Variants in PCDH7 observed in about 807,000 individuals in gnomAD.
PCDH7 encodes protocadherin-7.
PCDH7 carries 17 observed loss-of-function variants against 58.9 expected under a neutral mutation model. The observed-to-expected ratio is 0.29, with a 90% CI of 0.20 to 0.43. The LOEUF (loss-of-function observed/expected upper bound fraction) is 0.43. PCDH7 is among the 20% of genes least tolerant of loss of function. PCDH7 has a pLI of 1.00. For synonymous variants in PCDH7, 664 were observed against 616.4 expected (o/e 1.08, Z -1.14); for missense variants, 1,274 against 1,441.0 (o/e 0.88, Z 1.88).
intron 3 of PCDH7, among the ~76,000 whole-genome samples, chr4:30,952,405 A>G (rs4490422): frequency 0.61 from 92,880 of 151,622 alleles, 29,612 homozygotes; most frequent in African/African-American, 0.8. Context: ...AGTTGTATCA[A>G]TTTACCACTA....
At chr4:30,765,505 G>C (rs887658709) in intron 1 of PCDH7, among the ~76,000 whole-genome samples, 2 of 152,144 alleles carry the variant, frequency 1.3e-5, no homozygotes, top group Non-Finnish European at 2.9e-5. Flanking sequence ...GGTCTGCTCT[G>C]ACTGATTTTG....
intron 1 of PCDH7, among the ~76,000 whole-genome samples, chr4:30,916,853 C>G (rs771688600): frequency 6.6e-6 from 1 of 152,116 alleles, no homozygotes; most frequent in Non-Finnish European, 1.5e-5. Context: ...TAAAAACTCC[C>G]GATCTCTGAG....
chr4:31,131,573 T>G (rs1294141496), intron 3 of PCDH7, among the ~76,000 whole-genome samples: 2 of 151,994 alleles, frequency 1.3e-5, no homozygotes, highest in African/African-American at 4.8e-5. Context: ...TCTTCATCCC[T>G]TAACAGTATT....
intron 1 of PCDH7, among the ~76,000 whole-genome samples, chr4:30,756,808 T>G (rs1016605970): frequency 5.9e-5 from 9 of 152,100 alleles, no homozygotes; most frequent in African/African-American, 2.2e-4. Context: ...TAAAATGGAG[T>G]CTTCCTTTGT....
intron 1 of PCDH7, among the ~76,000 whole-genome samples, chr4:30,843,922 AT>A (rs1432320344): frequency 1.3e-5 from 2 of 152,110 alleles, no homozygotes; most frequent in African/African-American, 4.8e-5. Flanking sequence ...TGGTAAAAAA[AT>A]AAAATAAAAA....
At chr4:30,752,629 TTAC>T (rs1418267059) in intron 1 of PCDH7, among the ~76,000 whole-genome samples, 1 of 120,702 alleles carries the variant, frequency 8.3e-6, no homozygotes, top group African/African-American at 3.3e-5. Context: ...ATATGGACTC[TTAC>T]TTTTTTTTTT....
At chr4:31,003,420 C>A (rs1752515024) in intron 3 of PCDH7, among the ~76,000 whole-genome samples, 1 of 151,550 alleles carries the variant, frequency 6.6e-6, no homozygotes, top group African/African-American at 2.4e-5. Context: ...GCCCTGTACT[C>A]CTTCTAGTCC....
chr4:31,000,203 G>A (rs1338985119), intron 3 of PCDH7, among the ~76,000 whole-genome samples: 1 of 152,094 alleles, frequency 6.6e-6, no homozygotes, highest in African/African-American at 2.4e-5. Flanking sequence ...CATTTTACAG[G>A]ATTATGGAAA....
At chr4:30,971,909 G>A (rs919270644) in intron 3 of PCDH7, among the ~76,000 whole-genome samples, 2 of 152,044 alleles carry the variant, frequency 1.3e-5, no homozygotes, top group Non-Finnish European at 2.9e-5. Context: ...CTGCATGAGC[G>A]GTGATTATAC....
intron 1 of PCDH7, among the ~76,000 whole-genome samples, chr4:30,824,083 CTTTCTTTCTTTCTTTCTTTCTT>C (rs1728726132): frequency 9.2e-5 from 1 of 10,852 alleles, no homozygotes; most frequent in African/African-American, 4.3e-4. Flanking sequence ...GGTTTCTTTT[CTTTCTTTCTTTCTTTCTTTCTT>C]TCTTTCTTTC....
chr4:30,782,755 C>T (rs1041631771), intron 1 of PCDH7, among the ~76,000 whole-genome samples: 4 of 152,172 alleles, frequency 2.6e-5, no homozygotes, highest in Non-Finnish European at 5.9e-5. Flanking sequence ...GGTTTAATGT[C>T]TATAAACTGA....
intron 1 of PCDH7, among the ~76,000 whole-genome samples, chr4:30,894,778 C>T (rs1226477508): frequency 6.7e-6 from 1 of 150,288 alleles, no homozygotes; most frequent in Non-Finnish European, 1.5e-5. Context: ...GATCAGGAAC[C>T]TGATTTTACG....
intron 1 of PCDH7, among the ~76,000 whole-genome samples, chr4:30,828,944 A>G (rs1729441642): frequency 6.6e-6 from 1 of 152,052 alleles, no homozygotes; most frequent in African/African-American, 2.4e-5. Context: ...AAAAGCTTTA[A>G]TGGTCTGTAA....
chr4:30,767,900 A>G (rs370744957), intron 1 of PCDH7, among the ~76,000 whole-genome samples: 8 of 152,182 alleles, frequency 5.3e-5, no homozygotes, highest in African/African-American at 1.7e-4. Flanking sequence ...CATTAAAACC[A>G]TTAAAGGAGC....
chr4:31,052,722 G>C (rs1056923712), intron 3 of PCDH7, among the ~76,000 whole-genome samples: 2 of 152,076 alleles, frequency 1.3e-5, no homozygotes, highest in African/African-American at 4.8e-5. Flanking sequence ...AGCAAGCTTT[G>C]TTTAATATGA....
At chr4:30,749,446 C>A (rs938290318) in intron 1 of PCDH7, among the ~76,000 whole-genome samples, 6 of 152,062 alleles carry the variant, frequency 3.9e-5, no homozygotes, top group African/African-American at 1.4e-4. Flanking sequence ...AACTCTGAAA[C>A]GCATTAAGCA....
intron 3 of PCDH7, among the ~76,000 whole-genome samples, chr4:30,968,378 A>ATAGTGTG (rs1560541576): frequency 6.4e-4 from 18 of 28,070 alleles, no homozygotes; most frequent in African/African-American, 3.9e-3. Flanking sequence ...TACACACACT[A>ATAGTGTG]TATATATATA....
intron 3 of PCDH7, among the ~76,000 whole-genome samples, chr4:31,111,966 G>C (rs1439783550): frequency 1.3e-5 from 2 of 152,074 alleles, no homozygotes; most frequent in Non-Finnish European, 2.9e-5. Flanking sequence ...TCTAAAATGG[G>C]AATCAAAAAA....
At chr4:30,797,356 T>A (rs1484931743) in intron 1 of PCDH7, among the ~76,000 whole-genome samples, 1 of 151,556 alleles carries the variant, frequency 6.6e-6, no homozygotes, top group African/African-American at 2.4e-5. Context: ...CACTGCAAGT[T>A]CCGCCTCCCG....
Sources: gnomAD v4.1 joint callset for allele counts (sites outside exome capture counted in the v4.1 genomes callset) on GRCh38, gnomAD v4.1.1 for gene constraint, MANE v1.5 for transcripts, NCBI Gene and HGNC (gene_info 2026-07-23, HGNC 2026-07-21) for gene names.